Variants in ARB2A observed in about 807,000 individuals in gnomAD.
The protein encoded by ARB2A is ARB2 cotranscriptional regulator A, also known as cotranscriptional regulator ARB2A.
chr5:94,089,026 T>A, the ARB2A span, among the ~76,000 whole-genome samples: 5 of 152,308 alleles, frequency 3.3e-5, no homozygotes, highest in African/African-American at 1.2e-4. Context: ...ATGATTTTCC[T>A]TGTTTTTCCA....
At chr5:93,758,667 G>C in the ARB2A span, among the ~76,000 whole-genome samples, 2 of 152,068 alleles carry the variant, frequency 1.3e-5, no homozygotes, top group African/African-American at 4.8e-5. Flanking sequence ...ACAAAATCAA[G>C]ATGGAAATTA....
the ARB2A span, among the ~76,000 whole-genome samples, chr5:93,644,641 C>T: frequency 6.6e-6 from 1 of 152,134 alleles, no homozygotes; most frequent in African/African-American, 2.4e-5. Context: ...CATTAAATTT[C>T]TGCAGGGGTT....
At chr5:93,984,917 T>C in the ARB2A span, among the ~76,000 whole-genome samples, 4 of 152,316 alleles carry the variant, frequency 2.6e-5, no homozygotes, top group Admixed American at 1.3e-4. Context: ...AATTTAAAAA[T>C]GAAAACAATA....
chr5:94,041,125 G>A, the ARB2A span, among the ~76,000 whole-genome samples: 6 of 151,554 alleles, frequency 4.0e-5, no homozygotes, highest in African/African-American at 1.5e-4. Flanking sequence ...TGTGCAAACC[G>A]GTTGAATAAA....
the ARB2A span, chr5:93,620,919 G>GACT: frequency 1.8e-5 from 28 of 1,569,972 alleles, 1 homozygote; most frequent in African/African-American, 1.1e-4. Context: ...GAGTCCGCTC[G>GACT]ACACAAGCAG....
At chr5:93,804,639 C>T in the ARB2A span, among the ~76,000 whole-genome samples, 1 of 151,676 alleles carries the variant, frequency 6.6e-6, no homozygotes, top group Non-Finnish European at 1.5e-5. Context: ...TTAATGCTTG[C>T]TTATTAGCCA....
the ARB2A span, among the ~76,000 whole-genome samples, chr5:93,991,961 T>C: frequency 6.6e-6 from 1 of 151,822 alleles, no homozygotes; most frequent in Non-Finnish European, 1.5e-5. Context: ...TAAGGCACAT[T>C]CATAATCAAA....
the ARB2A span, chr5:93,784,423 T>A: frequency 6.2e-7 from 1 of 1,613,552 alleles, no homozygotes; most frequent in South Asian, 1.1e-5. Context: ...AGCTTCTTGA[T>A]GCCACACATT....
At chr5:93,700,799 A>G in the ARB2A span, among the ~76,000 whole-genome samples, 1 of 152,188 alleles carries the variant, frequency 6.6e-6, no homozygotes, top group Non-Finnish European at 1.5e-5. Context: ...ATAAAAATAT[A>G]TAACAAAATA....
the ARB2A span, among the ~76,000 whole-genome samples, chr5:93,792,953 T>C: frequency 6.6e-6 from 1 of 152,124 alleles, no homozygotes; most frequent in East Asian, 1.9e-4. Context: ...CCTTTTTAAG[T>C]ACACAGGTTG....
the ARB2A span, among the ~76,000 whole-genome samples, chr5:93,703,768 C>T: frequency 3.9e-5 from 6 of 152,122 alleles, no homozygotes; most frequent in East Asian, 1.9e-4. Context: ...TTCCACTTGC[C>T]CCTACATCTG....
At chr5:93,641,670 T>G in the ARB2A span, among the ~76,000 whole-genome samples, 37 of 152,278 alleles carry the variant, frequency 2.4e-4, no homozygotes, top group African/African-American at 8.9e-4. Flanking sequence ...ATGCTATGAC[T>G]CATTTACTAG....
the ARB2A span, among the ~76,000 whole-genome samples, chr5:93,892,860 C>G: frequency 1.3e-5 from 2 of 152,078 alleles, no homozygotes; most frequent in African/African-American, 2.4e-5. Context: ...CTTAAGAGTC[C>G]TTAGCAGATT....
At chr5:93,818,439 A>G in the ARB2A span, among the ~76,000 whole-genome samples, 6 of 152,220 alleles carry the variant, frequency 3.9e-5, no homozygotes, top group African/African-American at 1.4e-4. Context: ...ATAAATCTCC[A>G]TTATATCTTG....
At chr5:93,834,696 T>C in the ARB2A span, among the ~76,000 whole-genome samples, 1 of 152,190 alleles carries the variant, frequency 6.6e-6, no homozygotes, top group Non-Finnish European at 1.5e-5. Flanking sequence ...ACATTACTAA[T>C]AATACATACT....
chr5:93,779,135 G>A, the ARB2A span, among the ~76,000 whole-genome samples: 65 of 151,824 alleles, frequency 4.3e-4, no homozygotes, highest in South Asian at 1.0e-3. Context: ...GCGCGCGCGC[G>A]CGCACGTGCA....
the ARB2A span, among the ~76,000 whole-genome samples, chr5:94,073,112 C>T: frequency 1.3e-5 from 2 of 152,066 alleles, no homozygotes; most frequent in Non-Finnish European, 2.9e-5. Flanking sequence ...GAGTGATCAT[C>T]ATTAGTTCAC....
chr5:93,960,822 C>G, the ARB2A span, among the ~76,000 whole-genome samples: 527 of 152,130 alleles, frequency 3.5e-3, 4 homozygotes, highest in African/African-American at 0.012. Context: ...GCTAAAAATA[C>G]AGGAAGAGAG....
chr5:94,018,811 C>A, the ARB2A span, among the ~76,000 whole-genome samples: 1 of 151,922 alleles, frequency 6.6e-6, no homozygotes, highest in Admixed American at 6.6e-5. Context: ...GAAAAAACTA[C>A]TTTAAATTTC....
Sources: allele counts gnomAD v4.1 joint callset (sites outside exome capture counted in the v4.1 genomes callset), GRCh38; gene constraint gnomAD v4.1.1; transcripts MANE v1.5; gene names NCBI Gene and HGNC (gene_info 2026-07-23, HGNC 2026-07-21).